GRIK2: variants seen among roughly 807,000 people sequenced by gnomAD.
The protein encoded by GRIK2 is glutamate receptor ionotropic, kainate 2.
Under a neutral mutation model 100.3 loss-of-function variants are expected in GRIK2, and 32 were observed. That is an observed-to-expected ratio of 0.32 (90% CI 0.24 to 0.43). GRIK2 has a LOEUF of 0.43. GRIK2 is among the 20% of genes least tolerant of loss of function. The pLI is 1.00. For missense variants in GRIK2, 843 were observed against 1,114.9 expected (o/e 0.76, Z 3.47); for synonymous variants, 417 against 389.4 (o/e 1.07, Z -0.83).
intron 2 of GRIK2, among the ~76,000 whole-genome samples, chr6:101,610,857 T>G (rs888097533): frequency 6.6e-6 from 1 of 151,806 alleles, no homozygotes; most frequent in East Asian, 1.9e-4. Context: ...CTGTTTATAT[T>G]ATAATTATGT....
chr6:101,815,636 TA>T (rs1191421246), intron 9 of GRIK2, among the ~76,000 whole-genome samples: 1 of 144,472 alleles, frequency 6.9e-6, no homozygotes, highest in East Asian at 2.3e-4. Context: ...AAAAAAAAAG[TA>T]TTTCAAAGGC....
chr6:101,941,441 C>A (rs896642820), intron 14 of GRIK2, among the ~76,000 whole-genome samples: 1 of 151,850 alleles, frequency 6.6e-6, no homozygotes. Flanking sequence ...AGATATTAAA[C>A]TGGTCATTAT....
intron 4 of GRIK2, among the ~76,000 whole-genome samples, chr6:101,630,198 T>C (rs1156400570): frequency 2.0e-5 from 3 of 152,158 alleles, no homozygotes; most frequent in African/African-American, 7.2e-5. Flanking sequence ...GTCTATTTGA[T>C]AGAATCATGT....
At chr6:101,636,310 A>G (rs374426362) in intron 4 of GRIK2, among the ~76,000 whole-genome samples, 2 of 152,084 alleles carry the variant, frequency 1.3e-5, no homozygotes, top group African/African-American at 4.8e-5. Context: ...ATGAGAACAC[A>G]TGGACACAGA....
At chr6:101,523,267 C>A (rs1461185333) in intron 2 of GRIK2, among the ~76,000 whole-genome samples, 1 of 151,964 alleles carries the variant, frequency 6.6e-6, no homozygotes, top group Non-Finnish European at 1.5e-5. Context: ...TTAACAAAAC[C>A]CTTATTATAG....
intron 7 of GRIK2, among the ~76,000 whole-genome samples, chr6:101,783,519 A>G (rs1779236268): frequency 6.6e-6 from 1 of 152,160 alleles, no homozygotes; most frequent in Non-Finnish European, 1.5e-5. Flanking sequence ...TTGGTACTGA[A>G]AGTGGGGTAA....
intron 10 of GRIK2, among the ~76,000 whole-genome samples, chr6:101,858,950 G>A (rs1029385962): frequency 6.6e-6 from 1 of 150,722 alleles, no homozygotes; most frequent in Non-Finnish European, 1.5e-5. Flanking sequence ...ATTAGATGTC[G>A]GATATGATGT....
At chr6:101,841,390 T>G (rs1200064868) in intron 10 of GRIK2, among the ~76,000 whole-genome samples, 1 of 151,190 alleles carries the variant, frequency 6.6e-6, no homozygotes, top group Non-Finnish European at 1.5e-5. Flanking sequence ...TTGGTACGGT[T>G]TCTCTCTCTG....
intron 14 of GRIK2, among the ~76,000 whole-genome samples, chr6:102,002,216 T>G (rs938006260): frequency 6.7e-6 from 1 of 150,200 alleles, no homozygotes; most frequent in Non-Finnish European, 1.5e-5. Context: ...TTGGTCTACC[T>G]TCTATCACAA....
intron 12 of GRIK2, among the ~76,000 whole-genome samples, chr6:101,892,244 T>A (rs1471263882): frequency 2.0e-5 from 3 of 152,202 alleles, no homozygotes; most frequent in African/African-American, 7.2e-5. Context: ...TTAGGAAATT[T>A]AGTTATTCCT....
intron 10 of GRIK2, among the ~76,000 whole-genome samples, chr6:101,830,342 A>G (rs536911050): frequency 6.6e-6 from 1 of 152,140 alleles, no homozygotes; most frequent in South Asian, 2.1e-4. Flanking sequence ...AACCAAGGAA[A>G]TATTTTTCTA....
intron 14 of GRIK2, among the ~76,000 whole-genome samples, chr6:101,950,074 T>G (rs903390787): frequency 6.6e-6 from 1 of 152,176 alleles, no homozygotes; most frequent in African/African-American, 2.4e-5. Flanking sequence ...AACTTTCTCA[T>G]TTTTTATTTC....
chr6:102,050,337 A>C (rs1771104820), intron 15 of GRIK2, among the ~76,000 whole-genome samples: 1 of 151,900 alleles, frequency 6.6e-6, no homozygotes, highest in African/African-American at 2.4e-5. Context: ...AGTGGAAGTT[A>C]GGGAAGGAAG....
chr6:101,773,193 G>A (rs1024872150), intron 7 of GRIK2, among the ~76,000 whole-genome samples: 1 of 152,054 alleles, frequency 6.6e-6, no homozygotes, highest in Non-Finnish European at 1.5e-5. Flanking sequence ...TTAAAATAGT[G>A]AAGAGGGCCA....
intron 12 of GRIK2, among the ~76,000 whole-genome samples, chr6:101,901,524 T>C (rs1361044792): frequency 1.3e-5 from 2 of 151,828 alleles, no homozygotes; most frequent in Non-Finnish European, 1.5e-5. Context: ...CATAAAATAA[T>C]AATCTCATAA....
intron 10 of GRIK2, among the ~76,000 whole-genome samples, chr6:101,844,845 G>T (rs1783714291): frequency 6.6e-6 from 1 of 152,068 alleles, no homozygotes; most frequent in African/African-American, 2.4e-5. Context: ...CTTACATGAT[G>T]CAAAATTCAT....
chr6:101,930,365 T>G (rs558168414), intron 14 of GRIK2, among the ~76,000 whole-genome samples: 1,676 of 136,698 alleles, frequency 0.012, 34 homozygotes, highest in African/African-American at 0.043. Flanking sequence ...TAAAATAAAA[T>G]AAAATAAATA....
intron 15 of GRIK2, among the ~76,000 whole-genome samples, chr6:102,040,061 G>A (rs1310590441): frequency 6.6e-6 from 1 of 151,418 alleles, no homozygotes; most frequent in Non-Finnish European, 1.5e-5. Context: ...TCCAGTCAGT[G>A]AGTGTATAAT....
chr6:101,594,548 GA>G (rs1460279899), intron 2 of GRIK2, among the ~76,000 whole-genome samples: 2 of 151,754 alleles, frequency 1.3e-5, no homozygotes, highest in Non-Finnish European at 1.5e-5. Flanking sequence ...TATTTTACTT[GA>G]ATACTAGTGG....
Sources: allele counts gnomAD v4.1 joint callset (sites outside exome capture counted in the v4.1 genomes callset), GRCh38; gene constraint gnomAD v4.1.1; transcripts MANE v1.5; gene names NCBI Gene and HGNC (gene_info 2026-07-23, HGNC 2026-07-21).